PIK3R6: variants seen among roughly 807,000 people sequenced by gnomAD.
PIK3R6 encodes phosphoinositide-3-kinase regulatory subunit 6.
PIK3R6 carries 91 observed loss-of-function variants against 84.9 expected under a neutral mutation model. The observed-to-expected ratio is 1.07, with a 90% confidence interval of 0.90 to 1.28. The LOEUF (loss-of-function observed/expected upper bound fraction) is 1.28. PIK3R6 is among the 50% of genes most tolerant of loss of function. The pLI, the probability that PIK3R6 is intolerant of heterozygous loss-of-function variation, is 0.00. For synonymous variants in PIK3R6, 416 were observed against 411.4 expected, an observed-to-expected ratio of 1.01 and a Z score of -0.13; for missense variants, 996 against 985.1, an observed-to-expected ratio of 1.01 and a Z score of -0.15.
chr17:8,829,576 AGACACACT>A lies in PIK3R6; in HGVS notation c.889+122_889+129del, dbSNP rs200782265. ...CACACTCATGCACACATACACACAC[AGACACACT>A]GACACACACTCATGCATACACACAC... On this transcript the variant is annotated intron_variant, in intron 10 of 19. Coordinates refer to ENST00000619866, the MANE Select transcript of PIK3R6 (RefSeq NM_001010855.4). The A allele has an allele frequency of 2.9e-3, 2,815 of 974,912 alleles. 31 individuals carry two copies. The highest frequency in any genetic ancestry group is 0.022 in the East Asian group (824 of 37,048). The allele number at this position is 974,912 out of a possible 1,614,324, so 60.4% of individuals were successfully genotyped here. A position where few individuals can be genotyped will look rare whatever the true frequency, so the allele number is the denominator to read the frequency against.
chr17:8,867,159 C>T (rs888571906), intron 1 of PIK3R6, among the ~76,000 whole-genome samples: 1 of 152,202 alleles, frequency 6.6e-6, no homozygotes, highest in East Asian at 1.9e-4. Context: ...ATCCAGTCAA[C>T]CTCTAAATGC....
chr17:8,805,647 G>A (rs2087182672), intron 18 of PIK3R6, among the ~76,000 whole-genome samples: 1 of 152,004 alleles, frequency 6.6e-6, no homozygotes, highest in Admixed American at 6.6e-5. Flanking sequence ...CGGGCGCGGT[G>A]GCTCATGCCT....
At chr17:8,826,727 T>C (rs1597395273) in intron 13 of PIK3R6, among the ~76,000 whole-genome samples, 1 of 152,106 alleles carries the variant, frequency 6.6e-6, no homozygotes, top group East Asian at 1.9e-4. Context: ...CAAACCACCA[T>C]GGCACATGTA....
chr17:8,852,161 G>A (rs1026435441), intron 1 of PIK3R6, among the ~76,000 whole-genome samples: 8 of 152,220 alleles, frequency 5.3e-5, no homozygotes, highest in African/African-American at 1.9e-4. Flanking sequence ...AATGGGTACA[G>A]AGTCTCTGTT....
chr17:8,838,816 C>T (rs1206542352), intron 3 of PIK3R6, among the ~76,000 whole-genome samples, 161 bp from the exon 4 acceptor site: 1 of 152,192 alleles, frequency 6.6e-6, no homozygotes. Context: ...CCTGGGTGGG[C>T]TCCTCCCAAG....
In PIK3R6 at chr17:8,814,215, C is replaced by CTTTTTTTTTTTTTTTTTTT. The variant is rs112750429; in HGVS notation, c.1995+4849_1995+4867dup. Among the ~76,000 whole-genome samples the CTTTTTTTTTTTTTTTTTTT allele has an allele frequency of 1.4e-4, 12 of 85,540 alleles. 2 individuals carry two copies. Among genetic ancestry groups the CTTTTTTTTTTTTTTTTTTT allele is most frequent in the African/African-American group, 3.4e-4 (7 of 20,620 alleles). 56.1% of individuals were successfully genotyped at this position (85,540 alleles called of 152,430 possible). A position where few individuals can be genotyped will look rare whatever the true frequency, so the allele number is the denominator to read the frequency against. On this transcript the variant is annotated intron_variant, in intron 18 of 19. Transcript: ENST00000619866. ...TCCACTCTTTAGTTCAGAGAGAGATCTTTTTTTTTTTTTTTTTTTTTTGAG... is the reference window on the plus strand; with the variant it reads ...TCCACTCTTTAGTTCAGAGAGAGATCTTTTTTTTTTTTTTTTTTTTTTTTTTTTTTTTTTTTTTTTTGAG...
rs1281830726 is a variant in PIK3R6, at chr17:8,829,809, G to A, written c.803-17C>T. 5.8e-6 allele frequency: 9 copies of A among 1,545,666 alleles called. 1 individual carries two copies. Among genetic ancestry groups the A allele is most frequent in the Non-Finnish European group, 7.0e-6 (8 of 1,143,590 alleles). On this transcript the variant is annotated splice_polypyrimidine_tract_variant and intron_variant, in intron 9 of 19. Transcript: ENST00000619866. ...CAAGGTCACCTGCAGAAAGGAGCAG[G>A]CTGTGGAGGCCATGGAGGAGGCCAT...
At chr17:8,856,524 C>G (rs1354132424) in intron 1 of PIK3R6, among the ~76,000 whole-genome samples, 5 of 152,184 alleles carry the variant, frequency 3.3e-5, no homozygotes. Context: ...ATCGCTTGAA[C>G]CCAGGAGATG....
At chr17:8,847,646 C>CA (rs969984524) in intron 2 of PIK3R6, among the ~76,000 whole-genome samples, 17 of 151,572 alleles carry the variant, frequency 1.1e-4, no homozygotes, top group Admixed American at 3.9e-4. Context: ...ACTAAAAATA[C>CA]AAAAAAAATA....
intron 9 of PIK3R6, among the ~76,000 whole-genome samples, chr17:8,830,038 G>T (rs1463935453): frequency 6.6e-6 from 1 of 152,168 alleles, no homozygotes; most frequent in African/African-American, 2.4e-5. Context: ...ACCCTTAGGG[G>T]GTCTTCACAA....
At chr17:8,822,283 C>T (rs933127822) in intron 16 of PIK3R6, among the ~76,000 whole-genome samples, 1 of 152,014 alleles carries the variant, frequency 6.6e-6, no homozygotes, top group Non-Finnish European at 1.5e-5. Context: ...CCTTCCAGAC[C>T]CCAAAGAATA....
chr17:8,817,874 G>A (rs956409192), intron 18 of PIK3R6, among the ~76,000 whole-genome samples: 2 of 151,760 alleles, frequency 1.3e-5, no homozygotes, highest in African/African-American at 4.8e-5. Context: ...GATGCAGTGG[G>A]TAGCTAGAGA....
intron 1 of PIK3R6, among the ~76,000 whole-genome samples, chr17:8,864,606 C>T (rs906649119): frequency 2.2e-5 from 3 of 134,446 alleles, no homozygotes; most frequent in Non-Finnish European, 4.6e-5. Context: ...GGCGCAATCT[C>T]GTCTCACTGC....
At chr17:8,806,000 CA>C (rs2087195154) in intron 18 of PIK3R6, among the ~76,000 whole-genome samples, 2 of 151,356 alleles carry the variant, frequency 1.3e-5, no homozygotes, top group African/African-American at 4.9e-5. Context: ...AGGTTGTGGT[CA>C]GGGGGGCAGG....
At position 8,828,556 on chromosome 17, in the gene PIK3R6, C is replaced by T. The variant is rs1269332231; in HGVS notation, c.1313+11G>A. ...CAGCGCCCACCCCCAGCCCCCACGTCGGGGCCCCACCTGAGTCTGTGGTAG... is the reference window on the plus strand; with the variant it reads ...CAGCGCCCACCCCCAGCCCCCACGTTGGGGCCCCACCTGAGTCTGTGGTAG... On this transcript the variant is annotated intron_variant, in intron 11 of 19. Coordinates refer to ENST00000619866, the MANE Select transcript of PIK3R6 (RefSeq NM_001010855.4). The T allele has an allele frequency of 2.0e-5, 32 of 1,610,390 alleles. No homozygotes were observed. Among genetic ancestry groups the T allele is most frequent in the Non-Finnish European group, 2.7e-5 (32 of 1,179,180 alleles).
chr17:8,828,554 G>C lies in PIK3R6; in HGVS notation c.1313+13C>G, dbSNP rs2088031471. 1.9e-6 allele frequency: 3 copies of C among 1,610,086 alleles called. No individual in the cohort carries two copies. Among genetic ancestry groups the C allele is most frequent in the Non-Finnish European group, 2.5e-6 (3 of 1,179,160 alleles). On this transcript the variant is annotated intron_variant, in intron 11 of 19. Coordinates refer to ENST00000619866, the MANE Select transcript of PIK3R6 (RefSeq NM_001010855.4). ...ACCAGCGCCCACCCCCAGCCCCCAC[G>C]TCGGGGCCCCACCTGAGTCTGTGGT...
intron 18 of PIK3R6, among the ~76,000 whole-genome samples, chr17:8,812,302 T>C (rs1032992093): frequency 2.0e-5 from 3 of 152,110 alleles, no homozygotes; most frequent in Admixed American, 1.3e-4. Context: ...AATAGAATAA[T>C]AGAGGGAGAC....
chr17:8,823,146 G>T, intron 14 of PIK3R6, 60 bp from the exon 15 acceptor site: 1 of 1,317,298 alleles, frequency 7.6e-7, no homozygotes, highest in Non-Finnish European at 1.1e-6. Flanking sequence ...CTCTATCCCT[G>T]ATTTCCAGGG....
intron 18 of PIK3R6, among the ~76,000 whole-genome samples, chr17:8,816,795 C>G (rs2087556948): frequency 6.6e-6 from 1 of 152,156 alleles, no homozygotes; most frequent in African/African-American, 2.4e-5. Context: ...AAAATTGGCA[C>G]TCAAACACTA....
Sources: allele counts gnomAD v4.1 joint callset (sites outside exome capture counted in the v4.1 genomes callset), GRCh38; gene constraint gnomAD v4.1.1; transcripts MANE v1.5; gene names NCBI Gene and HGNC (gene_info 2026-07-23, HGNC 2026-07-21).